STK32A: variants seen among roughly 807,000 people sequenced by gnomAD.
The protein encoded by STK32A is serine/threonine kinase 32A, also known as serine/threonine-protein kinase 32A.
STK32A carries 41 observed loss-of-function variants against 53.2 expected under a neutral mutation model. The ratio of observed to expected loss-of-function variants is 0.77; its 90% CI spans 0.60 to 1.00. The LOEUF is 1.00. STK32A is among the 50% of genes least tolerant of loss of function. The pLI is 0.00. For synonymous variants in STK32A, 166 were observed against 162.8 expected (o/e 1.02, Z -0.15); for missense variants, 458 against 485.8 (o/e 0.94, Z 0.54).
chr5:147,339,074 A>T (rs909488227), intron 5 of STK32A, among the ~76,000 whole-genome samples: 1 of 152,204 alleles, frequency 6.6e-6, no homozygotes, highest in Non-Finnish European at 1.5e-5. Flanking sequence ...AATGGCCAAG[A>T]CGATGGGGAA....
At chr5:147,289,011 C>T (rs1752475763) in intron 4 of STK32A, among the ~76,000 whole-genome samples, 1 of 152,176 alleles carries the variant, frequency 6.6e-6, no homozygotes, top group African/African-American at 2.4e-5. Context: ...TTATGACATT[C>T]TGAACTTGCC....
At chr5:147,337,778 TGAGGA>T (rs911146624) in intron 5 of STK32A, among the ~76,000 whole-genome samples, 8 of 152,016 alleles carry the variant, frequency 5.3e-5, no homozygotes, top group African/African-American at 1.9e-4. Flanking sequence ...GGGCAGGAAT[TGAGGA>T]TATGAGTTTT....
intron 9 of STK32A, 95 bp from the exon 10 acceptor site, chr5:147,373,074 G>T: frequency 1.3e-6 from 2 of 1,499,482 alleles, no homozygotes. Flanking sequence ...TTTTCCTTCA[G>T]TCCTACAGTT....
intron 2 of STK32A, among the ~76,000 whole-genome samples, chr5:147,269,590 T>C (rs1359495420): frequency 1.3e-5 from 2 of 152,182 alleles, no homozygotes; most frequent in Non-Finnish European, 2.9e-5. Flanking sequence ...TATAGCAAAT[T>C]AACATGCCAA....
intron 2 of STK32A, among the ~76,000 whole-genome samples, chr5:147,253,733 C>G (rs1171741991): frequency 6.6e-6 from 1 of 152,198 alleles, no homozygotes; most frequent in Non-Finnish European, 1.5e-5. Context: ...TCCCTGGAGT[C>G]AGCTAATGAT....
chr5:147,258,239 A>C (rs11750287), intron 2 of STK32A, among the ~76,000 whole-genome samples: 35,996 of 150,114 alleles, frequency 0.24, 4,783 homozygotes, highest in Admixed American at 0.34. Context: ...GTTCACAGAA[A>C]AACTGTATGA....
rs138027084 is a variant in STK32A, at chr5:147,330,804, A to G, written c.434+6733A>G. 2.7e-4 allele frequency among the ~76,000 whole-genome samples: 41 copies of G among 152,310 alleles called. No individual in the cohort carries two copies. The East Asian group carries it at 7.7e-3, about 29-fold the overall frequency. On this transcript the variant is annotated intron_variant, in intron 5 of 12. Transcript: ENST00000397936. ...GCTGCCCACCTGTAATGACCTGTCT[A>G]CAGAGCCTGTGATAGTGACTTGTGA...
chr5:147,343,965 G>A (rs1755562479), intron 6 of STK32A, among the ~76,000 whole-genome samples: 1 of 152,214 alleles, frequency 6.6e-6, no homozygotes, highest in Non-Finnish European at 1.5e-5. Flanking sequence ...TTTTGCCCGT[G>A]ATGATTAAAT....
At position 147,385,583 on chromosome 5, in the gene STK32A, T is replaced by G. The variant is rs1757618454; in HGVS notation, c.*1600T>G. The G allele has an allele frequency of 6.6e-6, 1 of 152,240 alleles. No individual in the cohort carries two copies. Among genetic ancestry groups the G allele is most frequent in the South Asian group, 2.1e-4 (1 of 4,836 alleles). The allele number at this position is 152,240 out of a possible 1,614,324, so 9.4% of individuals were successfully genotyped here. A position where few individuals can be genotyped will look rare whatever the true frequency, so the allele number is the denominator to read the frequency against. On this transcript the variant is annotated 3_prime_UTR_variant, in exon 13 of 13. Transcript: ENST00000397936. ...GGCAGAATTCCCTACTTATTTAAAA[T>G]ATCACTGATGTCTCACTCTTTTTCT...
Position 147,314,486 on chromosome 5 carries a change from G to A in STK32A, c.261-9412G>A, listed in dbSNP as rs1483774956. On this transcript the variant is annotated intron_variant, in intron 4 of 12. Transcript: ENST00000397936. ...GCACTCCAGCCTGGGCAACAAGAGC[G>A]AAACTCCATATCAAAAAAAACAAAA... 1.4e-3 allele frequency among the ~76,000 whole-genome samples: 144 copies of A among 101,562 alleles called. 2 individuals are homozygous for A. The highest frequency in any genetic ancestry group is 5.7e-3 in the African/African-American group (135 of 23,872). The allele number at this position is 101,562 out of a possible 152,430, so 66.6% of individuals were successfully genotyped here. A position where few individuals can be genotyped will look rare whatever the true frequency, so the allele number is the denominator to read the frequency against.
At position 147,383,902 on chromosome 5, in the gene STK32A, C is replaced by A; in HGVS notation, c.1110C>A (p.Asp370Glu). The A allele has an allele frequency of 6.4e-7, 1 of 1,571,744 alleles. No individual in the cohort carries two copies. The highest frequency in any genetic ancestry group is 1.4e-5 in the African/African-American group (1 of 72,538). ...IIFNREKVNR[D>E]FNKRQPNLAL... ...TTTTCTTTTTAAGAGTAAACAGGGA[C>A]TTTAACAAAAGACAACCAAATCTAG... Residue 370 changes from aspartate to glutamate, a missense_variant, in exon 13 of 13, where the codon GAC (aspartate) becomes GAA (glutamate). Physicochemically the swap from Asp to Glu is conservative, Grantham distance 45. Coordinates refer to ENST00000397936, the MANE Select transcript of STK32A (RefSeq NM_001112724.2).
chr5:147,299,290 T>C (rs759777488), intron 4 of STK32A, among the ~76,000 whole-genome samples: 4 of 151,794 alleles, frequency 2.6e-5, no homozygotes, highest in Non-Finnish European at 5.9e-5. Context: ...CTGGTGGGAG[T>C]GTAGCATTGA....
At chr5:147,377,229 A>G (rs1029970250) in intron 11 of STK32A, among the ~76,000 whole-genome samples, 4 of 151,740 alleles carry the variant, frequency 2.6e-5, no homozygotes, top group Admixed American at 6.6e-5. Context: ...TAATTTCCAC[A>G]TTTTTGTGAA....
chr5:147,346,408 T>C (rs1425583200), intron 6 of STK32A, among the ~76,000 whole-genome samples: 1 of 152,216 alleles, frequency 6.6e-6, no homozygotes, highest in Non-Finnish European at 1.5e-5. Flanking sequence ...CCATGCTGCT[T>C]ACATTTTTAT....
intron 11 of STK32A, 122 bp from the exon 12 acceptor site, chr5:147,383,319 A>G: frequency 2.5e-6 from 2 of 791,908 alleles, no homozygotes; most frequent in East Asian, 2.8e-5. Flanking sequence ...TTTTGAAGAT[A>G]CTACTTACTT....
At chr5:147,277,274 G>C (rs1199330421) in intron 2 of STK32A, among the ~76,000 whole-genome samples, 1 of 152,106 alleles carries the variant, frequency 6.6e-6, no homozygotes, top group Non-Finnish European at 1.5e-5. Context: ...CATTTTCTCA[G>C]TTATCAAGGC....
rs374799648 is a variant in STK32A at position 147,326,605 on chromosome 5, GA to G, written c.434+2541del. Among the ~76,000 whole-genome samples the G allele has an allele frequency of 7.2e-5, 11 of 152,106 alleles. No individual in the cohort carries two copies. The East Asian group carries it at 1.2e-3, about 16-fold the overall frequency. On this transcript the variant is annotated intron_variant, in intron 5 of 12. Transcript: ENST00000397936. ...GCTTTTCATTGTATAACCAGTATGT[GA>G]AAAAAATATGAGCCACATGAATGAA... is the stretch of plus-strand genomic sequence containing the variant.
At chr5:147,299,051 A>G (rs540134224) in intron 4 of STK32A, among the ~76,000 whole-genome samples, 2 of 152,258 alleles carry the variant, frequency 1.3e-5, no homozygotes, top group South Asian at 2.1e-4. Context: ...CACGCAAGAA[A>G]GAATTCAGGG....
chr5:147,279,779 C>T (rs1751962811), intron 4 of STK32A, among the ~76,000 whole-genome samples: 1 of 152,152 alleles, frequency 6.6e-6, no homozygotes, highest in Admixed American at 6.5e-5. Context: ...CTGGAACTGT[C>T]ATGGTGCTGG....
Sources: gnomAD v4.1 joint callset for allele counts (sites outside exome capture counted in the v4.1 genomes callset) on GRCh38, gnomAD v4.1.1 for gene constraint, MANE v1.5 for transcripts, NCBI Gene and HGNC (gene_info 2026-07-23, HGNC 2026-07-21) for gene names.